KANK1: variants seen among roughly 807,000 people sequenced by gnomAD.
KANK1 encodes KN motif and ankyrin repeat domain-containing protein 1.
Under a neutral mutation model 106.2 loss-of-function variants are expected in KANK1, and 109 were observed. The ratio of observed to expected loss-of-function variants is 1.03; its 90% confidence interval spans 0.88 to 1.20. The LOEUF (loss-of-function observed/expected upper bound fraction) is 1.20. KANK1 is among the 50% of genes most tolerant of loss of function. The pLI is 0.00. For synonymous variants in KANK1, 873 were observed against 652.2 expected, an observed-to-expected ratio of 1.34 and a Z score of -5.16; for missense variants, 2,399 against 1,710.7, an observed-to-expected ratio of 1.40 and a Z score of -7.10.
intron 1 of KANK1, among the ~76,000 whole-genome samples, chr9:543,332 G>C (rs917186579): frequency 4.6e-5 from 7 of 152,070 alleles, no homozygotes; most frequent in Admixed American, 2.0e-4. Context: ...AAGGTGGGCG[G>C]ATCACTTGAG....
rs145716194 is a variant in KANK1, at chr9:628,150, T to G, written c.-83-48740T>G. On this transcript the variant is annotated intron_variant, in intron 1 of 11. Coordinates refer to ENST00000382297, the MANE Select transcript of KANK1 (RefSeq NM_015158.5). ...ATGAGGAATTGAAGCTGGGATAGCTTCTCTCCTGACTCTTGAAGTCCGAAA... is the reference window on the plus strand; with the variant it reads ...ATGAGGAATTGAAGCTGGGATAGCTGCTCTCCTGACTCTTGAAGTCCGAAA... Among the ~76,000 whole-genome samples, 151 of 152,264 alleles carry G rather than the reference T, an allele frequency of 9.9e-4. 4 individuals are homozygous for G. The highest frequency in any genetic ancestry group is 3.4e-3 in the African/African-American group (142 of 41,544).
intron 1 of KANK1, among the ~76,000 whole-genome samples, chr9:555,293 A>G (rs16919558): frequency 0.052 from 7,983 of 152,200 alleles, 698 homozygotes; most frequent in African/African-American, 0.18. Flanking sequence ...TGGAGCCATC[A>G]CCACTATTGG....
Position 526,771 on chromosome 9 carries a change from AT to A in KANK1, c.-84+22018del, listed in dbSNP as rs2059811727. 1.1e-4 allele frequency among the ~76,000 whole-genome samples: 16 copies of A among 151,618 alleles called. No individual in the cohort carries two copies. In the South Asian group the frequency reaches 3.3e-3, roughly 31 times the overall value. On this transcript the variant is annotated intron_variant, in intron 1 of 11. Coordinates refer to ENST00000382297, the MANE Select transcript of KANK1 (RefSeq NM_015158.5). The stretch of plus-strand genomic sequence containing the variant: ...AAATGCTGATATTTGACTGCTTTAG[AT>A]CTGTGAAAATGACTGTATCTTGAGA...
At chr9:664,815 C>T (rs769992569) in intron 1 of KANK1, among the ~76,000 whole-genome samples, 2 of 152,124 alleles carry the variant, frequency 1.3e-5, no homozygotes, top group Non-Finnish European at 2.9e-5. Context: ...ATTTTTCTTT[C>T]TCTGCATCCT....
intron 1 of KANK1, among the ~76,000 whole-genome samples, chr9:505,075 C>G (rs1331542881): frequency 6.6e-6 from 1 of 151,892 alleles, no homozygotes; most frequent in African/African-American, 2.4e-5. Flanking sequence ...CACGGAGCAG[C>G]GAGAAAGTTC....
chr9:574,085 TAG>T (rs1819903889), intron 1 of KANK1, among the ~76,000 whole-genome samples: 1 of 152,240 alleles, frequency 6.6e-6, no homozygotes, highest in Admixed American at 6.5e-5. Flanking sequence ...TCTTGTCCTG[TAG>T]AAGTAGAAAT....
intron 3 of KANK1, among the ~76,000 whole-genome samples, chr9:499,012 C>T (rs1167685347): frequency 2.0e-5 from 3 of 151,788 alleles, no homozygotes; most frequent in Admixed American, 1.3e-4. Flanking sequence ...CCTGTCTCTA[C>T]TAAAAATAAA....
intron 1 of KANK1, among the ~76,000 whole-genome samples, chr9:661,948 C>G (rs1843418365): frequency 1.3e-5 from 2 of 152,120 alleles, no homozygotes; most frequent in Admixed American, 6.5e-5. Context: ...TGTTCATGTC[C>G]TTCGCCCACT....
intron 1 of KANK1, among the ~76,000 whole-genome samples, chr9:617,325 A>G (rs1832085955): frequency 6.6e-6 from 1 of 152,198 alleles, no homozygotes; most frequent in African/African-American, 2.4e-5. Context: ...TTTGTCTTCA[A>G]AGGATAAATG....
intron 1 of KANK1, among the ~76,000 whole-genome samples, chr9:538,856 T>C (rs1352588944): frequency 6.6e-6 from 1 of 152,190 alleles, no homozygotes. Flanking sequence ...TAAAAGTTTT[T>C]GTTTGAAAAT....
At chr9:626,053 G>T (rs138469896) in intron 1 of KANK1, among the ~76,000 whole-genome samples, 1 of 152,144 alleles carries the variant, frequency 6.6e-6, no homozygotes, top group African/African-American at 2.4e-5. Context: ...GACCTCAAGA[G>T]TCAGGAGAGG....
chr9:699,421 A>C (rs192193808), intron 2 of KANK1, among the ~76,000 whole-genome samples: 65 of 152,326 alleles, frequency 4.3e-4, no homozygotes, highest in Non-Finnish European at 8.2e-4. Context: ...CAGCAGGAAC[A>C]GGTAGATGTG....
chr9:736,114 C>T (rs565867547), intron 7 of KANK1, among the ~76,000 whole-genome samples: 24 of 152,242 alleles, frequency 1.6e-4, no homozygotes, highest in African/African-American at 2.2e-4. Flanking sequence ...TCCACCACAA[C>T]GCCCGGCTAA....
chr9:732,220 A>G (rs2131797743), intron 5 of KANK1, 158 bp from the exon 6 acceptor site: 1 of 774,720 alleles, frequency 1.3e-6, no homozygotes, highest in Non-Finnish European at 2.0e-6. Flanking sequence ...CAAAACCACC[A>G]GGCATTTAAA....
At chr9:575,858 A>G (rs1227376542) in intron 1 of KANK1, among the ~76,000 whole-genome samples, 1 of 152,178 alleles carries the variant, frequency 6.6e-6, no homozygotes, top group Non-Finnish European at 1.5e-5. Flanking sequence ...TCCTGTCTCT[A>G]TTAAAAATAC....
intron 1 of KANK1, among the ~76,000 whole-genome samples, chr9:648,346 C>A (rs1161473807): frequency 6.6e-6 from 1 of 152,062 alleles, no homozygotes; most frequent in African/African-American, 2.4e-5. Flanking sequence ...TAGTTAGTTT[C>A]TCTTTCTTCT....
chr9:742,413 G>A lies in KANK1; in HGVS notation c.3897+8G>A. ...GGTCACCTAGAGGACAACGTAAGCT[G>A]TCTCCATTGGGCCTCCTGGCCAGGG... is the stretch of plus-strand genomic sequence containing the variant. On this transcript the variant is annotated splice_region_variant and intron_variant, in intron 10 of 11. Coordinates refer to ENST00000382297, the MANE Select transcript of KANK1 (RefSeq NM_015158.5). 1.9e-6 allele frequency: 3 copies of A among 1,606,300 alleles called. No homozygotes were observed. The highest frequency in any genetic ancestry group is 1.1e-5 in the South Asian group (1 of 90,150).
chr9:573,521 C>T (rs1819743770), intron 1 of KANK1, among the ~76,000 whole-genome samples: 3 of 152,170 alleles, frequency 2.0e-5, no homozygotes, highest in South Asian at 2.1e-4. Flanking sequence ...CCGCCCTCCT[C>T]GGCCTCCCAA....
Position 660,009 on chromosome 9 carries a change from C to G in KANK1, c.-83-16881C>G, listed in dbSNP as rs147422095. The G allele has an allele frequency of 3.9e-4, 116 of 297,482 alleles. No homozygotes were observed. The East Asian group carries it at 7.7e-3, about 20-fold the overall frequency. The allele number at this position is 297,482 out of a possible 1,614,324, so 18.4% of individuals were successfully genotyped here. On this transcript the variant is annotated intron_variant, in intron 1 of 11. Transcript: ENST00000382297. The stretch of plus-strand genomic sequence containing the variant: ...GTATGTCCACAGTCCAGAACCTCCA[C>G]TCTTTCCACCCCTTTGCTGATACAA...
Sources: gnomAD v4.1 joint callset for allele counts (sites outside exome capture counted in the v4.1 genomes callset) on GRCh38, gnomAD v4.1.1 for gene constraint, MANE v1.5 for transcripts, NCBI Gene and HGNC (gene_info 2026-07-23, HGNC 2026-07-21) for gene names.